Variants in TGM6 observed in about 807,000 individuals in gnomAD.
TGM6 encodes the protein protein-glutamine gamma-glutamyltransferase 6.
TGM6 carries 74 observed loss-of-function variants against 77.5 expected under a neutral mutation model. The observed-to-expected ratio is 0.96, with a 90% CI of 0.79 to 1.16. TGM6 has a LOEUF of 1.16. Among genes scored for constraint, TGM6 ranks in the 50% most tolerant of loss-of-function variants. The probability of loss-of-function intolerance (pLI) is 0.00; values close to 1 mark genes in which losing one functional copy is unlikely to be tolerated. For synonymous variants in TGM6, 383 were observed against 378.9 expected, an observed-to-expected ratio of 1.01 and a Z score of -0.12; for missense variants, 968 against 940.2, an observed-to-expected ratio of 1.03 and a Z score of -0.39.
chr20:2,381,012 G>T, intron 1 of TGM6, 37 bp downstream of exon 1: 7 of 1,606,516 alleles, frequency 4.4e-6, no homozygotes, highest in Non-Finnish European at 5.9e-6. Context: ...GGACACCAGG[G>T]CTCATGAGGG....
At chr20:2,408,534 C>G (rs2084766314) in intron 9 of TGM6, among the ~76,000 whole-genome samples, 1 of 152,118 alleles carries the variant, frequency 6.6e-6, no homozygotes, top group African/African-American at 2.4e-5. Flanking sequence ...TTGCCGTATC[C>G]CCAACTCCTA....
chr20:2,424,227 C>T (rs965106784), intron 10 of TGM6, among the ~76,000 whole-genome samples: 19 of 152,274 alleles, frequency 1.2e-4, no homozygotes, highest in Middle Eastern at 3.4e-3. Context: ...ACTTCTGTCC[C>T]GCTATGAAAG....
chr20:2,421,053 T>A (rs929298683), intron 10 of TGM6, among the ~76,000 whole-genome samples: 4 of 152,074 alleles, frequency 2.6e-5, no homozygotes, highest in African/African-American at 9.7e-5. Flanking sequence ...GTGGTGCGAT[T>A]TTGGCTCACT....
At chr20:2,393,363 G>C (rs1421919258) in intron 1 of TGM6, among the ~76,000 whole-genome samples, 1 of 152,020 alleles carries the variant, frequency 6.6e-6, no homozygotes, top group African/African-American at 2.4e-5. Context: ...TGATTTCTCT[G>C]TTTAAAATGG....
chr20:2,428,319 T>C (rs1319388129), intron 10 of TGM6, among the ~76,000 whole-genome samples: 3 of 152,172 alleles, frequency 2.0e-5, no homozygotes, highest in Admixed American at 6.5e-5. Context: ...TTGTTAGTGG[T>C]GTCTATGAGT....
intron 7 of TGM6, among the ~76,000 whole-genome samples, chr20:2,401,220 A>AT (rs397821703): frequency 6.6e-6 from 1 of 151,140 alleles, no homozygotes; most frequent in Non-Finnish European, 1.5e-5. Flanking sequence ...AAAAAAAAAA[A>AT]TTCATTCTAA....
At chr20:2,397,081 C>T (rs2084674359) in intron 4 of TGM6, among the ~76,000 whole-genome samples, 1 of 152,108 alleles carries the variant, frequency 6.6e-6, no homozygotes, top group Non-Finnish European at 1.5e-5. Flanking sequence ...AGTTCCAATA[C>T]CAGGTGCAAT....
intron 10 of TGM6, among the ~76,000 whole-genome samples, chr20:2,424,408 C>T (rs1250939013): frequency 1.3e-5 from 2 of 152,274 alleles, no homozygotes; most frequent in African/African-American, 4.8e-5. Context: ...ATAGAGATGG[C>T]GTCTTTCCTT....
chr20:2,386,187 C>A (rs1010435875), intron 1 of TGM6, among the ~76,000 whole-genome samples: 1 of 152,142 alleles, frequency 6.6e-6, no homozygotes, highest in African/African-American at 2.4e-5. Flanking sequence ...TAGGACAGAA[C>A]GTATCTGAAA....
chr20:2,383,501 T>C (rs995437388), intron 1 of TGM6, among the ~76,000 whole-genome samples: 1 of 152,168 alleles, frequency 6.6e-6, no homozygotes, highest in East Asian at 1.9e-4. Flanking sequence ...CCAGAAGTGA[T>C]GGGCAGGGCC....
chr20:2,395,084 C>T, intron 2 of TGM6, 110 bp from the exon 3 acceptor site: 5 of 1,529,274 alleles, frequency 3.3e-6, no homozygotes, highest in Non-Finnish European at 4.4e-6. Context: ...CAAAGCCTCC[C>T]AGAAGTTCAG....
intron 1 of TGM6, among the ~76,000 whole-genome samples, chr20:2,389,631 CT>C (rs1295854572): frequency 6.6e-6 from 1 of 152,124 alleles, no homozygotes; most frequent in East Asian, 1.9e-4. Context: ...CTATACTCCA[CT>C]TTTTAAAAAA....
At chr20:2,427,251 T>A (rs1185841503) in intron 10 of TGM6, among the ~76,000 whole-genome samples, 3 of 152,200 alleles carry the variant, frequency 2.0e-5, no homozygotes, top group Admixed American at 2.0e-4. Flanking sequence ...CAAGAACTGG[T>A]CCCTTTTATC....
At chr20:2,401,603 G>A (rs1215094592) in intron 7 of TGM6, among the ~76,000 whole-genome samples, 2 of 152,202 alleles carry the variant, frequency 1.3e-5, no homozygotes, top group South Asian at 4.1e-4. Context: ...CCAGTTCTAA[G>A]TGCTATATAT....
At chr20:2,420,161 CG>C (rs1445385144) in intron 10 of TGM6, among the ~76,000 whole-genome samples, 1 of 152,052 alleles carries the variant, frequency 6.6e-6, no homozygotes, top group Non-Finnish European at 1.5e-5. Context: ...AGGAGAAAGG[CG>C]TGAACCCAGG....
At chr20:2,412,724 C>A (rs1163225859) in intron 9 of TGM6, among the ~76,000 whole-genome samples, 1 of 152,014 alleles carries the variant, frequency 6.6e-6, no homozygotes, top group Non-Finnish European at 1.5e-5. Flanking sequence ...AATCAGATTT[C>A]TAGATACTGG....
chr20:2,419,520 T>A (rs1329108159), intron 10 of TGM6, among the ~76,000 whole-genome samples: 4 of 152,218 alleles, frequency 2.6e-5, no homozygotes, highest in Non-Finnish European at 5.9e-5. Context: ...TAATACATAT[T>A]CATAAAAATT....
chr20:2,410,030 C>T (rs188769738), intron 9 of TGM6, among the ~76,000 whole-genome samples: 1 of 152,256 alleles, frequency 6.6e-6, no homozygotes, highest in East Asian at 1.9e-4. Context: ...GCACACAGCT[C>T]CTAAAACTCT....
At chr20:2,385,925 AG>A (rs1216658551) in intron 1 of TGM6, among the ~76,000 whole-genome samples, 1 of 152,214 alleles carries the variant, frequency 6.6e-6, no homozygotes, top group Middle Eastern at 3.2e-3. Context: ...CAGTCCAGTG[AG>A]GGAGAGACGT....
Sources: gnomAD v4.1 joint callset for allele counts (sites outside exome capture counted in the v4.1 genomes callset) on GRCh38, gnomAD v4.1.1 for gene constraint, MANE v1.5 for transcripts, NCBI Gene and HGNC (gene_info 2026-07-23, HGNC 2026-07-21) for gene names.